The following SULT6B1 variants were observed in gnomAD, a reference collection of about 807,000 sequenced individuals.
SULT6B1 encodes the protein sulfotransferase 6B1.
SULT6B1 carries 44 observed loss-of-function variants against 37.2 expected under a neutral mutation model. The ratio of observed to expected loss-of-function variants is 1.18; its 90% CI spans 0.93 to 1.52. The LOEUF (loss-of-function observed/expected upper bound fraction) is 1.52, where lower values mean the gene tolerates loss of function less well. SULT6B1 is among the 40% of genes most tolerant of loss of function. The pLI is 0.00. For missense variants in SULT6B1, 450 were observed against 361.0 expected (o/e 1.25, Z -2.00); for synonymous variants, 140 against 126.0 (o/e 1.11, Z -0.74).
chr2:37,194,897 TTTCCTTCCTTCC>T (rs376397934), intron 1 of SULT6B1, among the ~76,000 whole-genome samples: 704 of 68,502 alleles, frequency 0.01, 29 homozygotes, highest in East Asian at 0.089. Context: ...TCCTTCCTTC[TTTCCTTCCTTCC>T]TTCCTTCCTT....
At chr2:37,178,448 C>G (rs1676478531) in intron 4 of SULT6B1, among the ~76,000 whole-genome samples, 1 of 152,066 alleles carries the variant, frequency 6.6e-6, no homozygotes. Flanking sequence ...GTTGGCCAGA[C>G]TGGTCTCAAA....
intron 3 of SULT6B1, among the ~76,000 whole-genome samples, chr2:37,181,920 G>A (rs1385076002): frequency 6.6e-6 from 1 of 152,214 alleles, no homozygotes; most frequent in Non-Finnish European, 1.5e-5. Flanking sequence ...AGCTGGCTTA[G>A]GGGATACTGG....
At chr2:37,178,994 G>A (rs1289334434) in intron 4 of SULT6B1, among the ~76,000 whole-genome samples, 2 of 151,880 alleles carry the variant, frequency 1.3e-5, no homozygotes, top group African/African-American at 4.8e-5. Context: ...ACAGAGTCTC[G>A]CTTTGCCAAG....
At chr2:37,171,271 T>C (rs967741491) in intron 6 of SULT6B1, among the ~76,000 whole-genome samples, 163 bp downstream of exon 6, 1 of 152,114 alleles carries the variant, frequency 6.6e-6, no homozygotes, top group Non-Finnish European at 1.5e-5. Flanking sequence ...AAAGATGGTA[T>C]GGGGCTGCCA....
At chr2:37,179,708 G>T (rs1676509710) in intron 3 of SULT6B1, 124 bp from the exon 4 acceptor site, 2 of 846,032 alleles carry the variant, frequency 2.4e-6, no homozygotes, top group Admixed American at 2.9e-5. Flanking sequence ...TATAGAGAAA[G>T]AATGACAGTA....
chr2:37,169,645 C>T (rs761598123), intron 6 of SULT6B1, among the ~76,000 whole-genome samples: 7 of 152,120 alleles, frequency 4.6e-5, no homozygotes, highest in African/African-American at 1.4e-4. Flanking sequence ...CCCGCCACCA[C>T]GTCCAGCCCG....
chr2:37,179,162 G>A (rs1450970721), intron 4 of SULT6B1, among the ~76,000 whole-genome samples: 1 of 152,110 alleles, frequency 6.6e-6, no homozygotes, highest in Non-Finnish European at 1.5e-5. Flanking sequence ...GTTTCACCGT[G>A]TTAGCCAGGA....
In SULT6B1 at chr2:37,188,483, G is replaced by T. The variant is rs777338426; in HGVS notation, c.158C>A (p.Ala53Asp). The change falls in exon 1 of 7, where the codon GCC becomes GAC. Residue 53 changes from alanine to aspartate, a missense_variant. Coordinates refer to ENST00000535679, the MANE Select transcript of SULT6B1 (RefSeq NM_001367551.1). ...TGCTAGCACGATGTCATCATGTCTGGCTTCGAAGGTGTCCAGCGCTTGGAA... is the reference window on the plus strand; with the variant it reads ...TGCTAGCACGATGTCATCATGTCTGTCTTCGAAGGTGTCCAGCGCTTGGAA... ...ETFQALDTFE[A>D]RHDDIVLASY... 5 of 1,614,132 alleles carry T rather than the reference G, an allele frequency of 3.1e-6. No individual in the cohort carries two copies. In the South Asian group the frequency reaches 5.5e-5, roughly 18 times the overall value.
chr2:37,170,119 T>TA (rs1026665035), intron 6 of SULT6B1, among the ~76,000 whole-genome samples: 5 of 152,102 alleles, frequency 3.3e-5, no homozygotes, highest in Middle Eastern at 3.2e-3. Flanking sequence ...ATGCCTGGCT[T>TA]AAAAAAGTCA....
chr2:37,183,346 C>T (rs537686117), intron 3 of SULT6B1, 79 bp downstream of exon 3: 1 of 1,129,516 alleles, frequency 8.9e-7, no homozygotes, highest in East Asian at 2.4e-5. Flanking sequence ...TGAGAAGGAA[C>T]AAACTCATGA....
intron 4 of SULT6B1, among the ~76,000 whole-genome samples, chr2:37,178,976 T>TG (rs1676488963): frequency 2.0e-5 from 3 of 151,166 alleles, no homozygotes; most frequent in South Asian, 4.2e-4. Context: ...TTTGTTTGTT[T>TG]TTTTGAGACA....
At chr2:37,177,026 C>T (rs1326274557) in intron 4 of SULT6B1, among the ~76,000 whole-genome samples, 1 of 152,016 alleles carries the variant, frequency 6.6e-6, no homozygotes, top group Non-Finnish European at 1.5e-5. Context: ...AGGTGCAGGC[C>T]AGAGATCCCA....
At chr2:37,179,089 G>C (rs145938340) in intron 4 of SULT6B1, among the ~76,000 whole-genome samples, 128 of 152,300 alleles carry the variant, frequency 8.4e-4, no homozygotes, top group African/African-American at 2.9e-3. Context: ...TTCCCGAGTA[G>C]CTGGGACTAC....
upstream of SULT6B1, among the ~76,000 whole-genome samples, chr2:37,193,643 A>AAGAAGAAGAAGAAGG (rs1184385119): frequency 2.1e-3 from 276 of 132,404 alleles, 1 homozygote; most frequent in Middle Eastern, 8.3e-3. Flanking sequence ...GAAGAAGAAG[A>AAGAAGAAGAAGAAGG]AGAAGAAGGA....
At chr2:37,188,281 G>T (rs994154084) in intron 1 of SULT6B1, among the ~76,000 whole-genome samples, 161 bp downstream of exon 1, 3 of 152,072 alleles carry the variant, frequency 2.0e-5, no homozygotes, top group Non-Finnish European at 4.4e-5. Flanking sequence ...TCTATTTACT[G>T]ATTTTACAAC....
At chr2:37,183,068 A>G (rs1257093338) in intron 3 of SULT6B1, among the ~76,000 whole-genome samples, 1 of 152,186 alleles carries the variant, frequency 6.6e-6, no homozygotes, top group East Asian at 1.9e-4. Flanking sequence ...CCTCAGGTAA[A>G]TAGTGCTCAC....
chr2:37,173,942 G>A (rs1337226342), intron 5 of SULT6B1, among the ~76,000 whole-genome samples: 2 of 152,056 alleles, frequency 1.3e-5, no homozygotes, highest in South Asian at 2.1e-4. Flanking sequence ...CAAATCCCAC[G>A]ATGGCTTCCC....
intron 5 of SULT6B1, among the ~76,000 whole-genome samples, chr2:37,172,823 C>CTTGTTTGTTTGT (rs138341858): frequency 1.3e-5 from 2 of 149,210 alleles, no homozygotes; most frequent in African/African-American, 4.9e-5. Context: ...CATACATTTG[C>CTTGTTTGTTTGT]TTGTTTGTTT....
chr2:37,180,777 G>A (rs181980329), intron 3 of SULT6B1, among the ~76,000 whole-genome samples: 1 of 152,086 alleles, frequency 6.6e-6, no homozygotes, highest in Admixed American at 6.6e-5. Flanking sequence ...TCAGCTACTC[G>A]GGAGGCTGAG....
Sources: allele counts gnomAD v4.1 joint callset (sites outside exome capture counted in the v4.1 genomes callset), GRCh38; gene constraint gnomAD v4.1.1; transcripts MANE v1.5; gene names NCBI Gene and HGNC (gene_info 2026-07-23, HGNC 2026-07-21).